PDZD8: variants seen among roughly 807,000 people sequenced by gnomAD.
The protein encoded by PDZD8 is PDZ domain containing 8.
In PDZD8, 14 loss-of-function variants were observed where a neutral mutation model predicts 85.8. The ratio of observed to expected loss-of-function variants is 0.16; its 90% CI spans 0.11 to 0.26. PDZD8 has a LOEUF of 0.26. PDZD8 is among the 10% of genes least tolerant of loss of function. The probability of loss-of-function intolerance (pLI) is 1.00; values close to 1 mark genes in which losing one functional copy is unlikely to be tolerated. For synonymous variants in PDZD8, 592 were observed against 568.6 expected (o/e 1.04, Z -0.59); for missense variants, 1,197 against 1,424.3 (o/e 0.84, Z 2.57).
intron 1 of PDZD8, among the ~76,000 whole-genome samples, chr10:117,354,359 A>T (rs1161619356): frequency 6.6e-6 from 1 of 152,220 alleles, no homozygotes; most frequent in Non-Finnish European, 1.5e-5. Flanking sequence ...GCTTGTTATA[A>T]GCACACAAAT....
rs553887678 is a variant in PDZD8 at position 117,336,385 on chromosome 10, C to A, written c.995+4595G>T. On this transcript the variant is annotated intron_variant, in intron 2 of 4. Coordinates refer to ENST00000334464, the MANE Select transcript of PDZD8 (RefSeq NM_173791.5). ...ATACATGAATATATTTCCTAAGTGT[C>A]CTCTGAAGAGGTCTATGAATATATG... is the stretch of plus-strand genomic sequence containing the variant. Among the ~76,000 whole-genome samples the A allele has an allele frequency of 2.3e-3, 345 of 152,204 alleles. 1 individual carries two copies. The highest frequency in any genetic ancestry group is 4.4e-3 in the Non-Finnish European group (299 of 68,004).
intron 2 of PDZD8, among the ~76,000 whole-genome samples, chr10:117,337,147 C>T (rs1844529826): frequency 1.3e-5 from 2 of 151,684 alleles, no homozygotes; most frequent in South Asian, 4.2e-4. Context: ...GTCTTAGCTG[C>T]CAGAAAATTG....
intron 3 of PDZD8, among the ~76,000 whole-genome samples, chr10:117,298,792 T>C (rs1028655120): frequency 6.6e-6 from 1 of 152,190 alleles, no homozygotes; most frequent in Admixed American, 6.6e-5. Flanking sequence ...GACTACATAT[T>C]GTTTACTGCA....
chr10:117,359,241 C>G (rs2133876062), intron 1 of PDZD8, among the ~76,000 whole-genome samples: 1 of 151,686 alleles, frequency 6.6e-6, no homozygotes, highest in Admixed American at 6.6e-5. Context: ...ATGGCAAAAC[C>G]CCATCTCTAC....
At chr10:117,308,011 A>G (rs1257718858) in intron 3 of PDZD8, among the ~76,000 whole-genome samples, 1 of 152,116 alleles carries the variant, frequency 6.6e-6, no homozygotes, top group East Asian at 1.9e-4. Flanking sequence ...TACTTCCTAA[A>G]TGCTTTAAAA....
intron 3 of PDZD8, among the ~76,000 whole-genome samples, chr10:117,313,125 G>A (rs938842419): frequency 6.6e-6 from 1 of 152,110 alleles, no homozygotes; most frequent in African/African-American, 2.4e-5. Context: ...TGAGCTGAGT[G>A]CCATGTGTAA....
intron 1 of PDZD8, among the ~76,000 whole-genome samples, chr10:117,346,788 A>G (rs971707151): frequency 1.3e-5 from 2 of 151,974 alleles, no homozygotes; most frequent in Admixed American, 1.3e-4. Context: ...AAAACCACGT[A>G]CAGGCATCAT....
chr10:117,348,791 G>A (rs1844750957), intron 1 of PDZD8, among the ~76,000 whole-genome samples: 2 of 152,064 alleles, frequency 1.3e-5, no homozygotes, highest in Admixed American at 1.3e-4. Flanking sequence ...TTTTTGAGGG[G>A]AGCACAATTC....
chr10:117,293,036 G>A (rs1218471133), intron 3 of PDZD8, among the ~76,000 whole-genome samples: 1 of 151,942 alleles, frequency 6.6e-6, no homozygotes, highest in Non-Finnish European at 1.5e-5. Context: ...ACATGATTCA[G>A]AAGTTTCAGA....
intron 1 of PDZD8, among the ~76,000 whole-genome samples, chr10:117,363,432 T>G (rs1007838202): frequency 6.6e-6 from 1 of 152,112 alleles, no homozygotes; most frequent in African/African-American, 2.4e-5. Context: ...AAATAGAAAT[T>G]GTATCTCCCC....
At chr10:117,327,369 A>G (rs1180514127) in intron 2 of PDZD8, among the ~76,000 whole-genome samples, 1 of 152,230 alleles carries the variant, frequency 6.6e-6, no homozygotes, top group Non-Finnish European at 1.5e-5. Flanking sequence ...AAAACAGACC[A>G]AATCAAAATA....
In PDZD8 at chr10:117,291,871, AG is replaced by A. The variant is rs1330288108; in HGVS notation, c.1099-1524del. Among the ~76,000 whole-genome samples the A allele has an allele frequency of 3.4e-5, 5 of 145,072 alleles. No homozygotes were observed. The East Asian group carries it at 1.0e-3, about 29-fold the overall frequency. On this transcript the variant is annotated intron_variant, in intron 3 of 4. Transcript: ENST00000334464. ...AACAACTGATTTAAAAAAAAAAAAC[AG>A]GCAGAGTGCTACATCCCAGCTGTTG...
rs964459410 is a variant in PDZD8, at chr10:117,282,647, ATT to A, written c.*619_*620del. 6.6e-6 allele frequency: 1 copy of A among 151,778 alleles called. No individual in the cohort carries two copies. The highest frequency in any genetic ancestry group is 1.5e-5 in the Non-Finnish European group (1 of 67,908). 9.4% of individuals were successfully genotyped at this position (151,778 alleles called of 1,614,324 possible). On this transcript the variant is annotated 3_prime_UTR_variant, in exon 5 of 5. Transcript: ENST00000334464. ...CGAAAGCAAGCAATATATGTAAAAA[ATT>A]TTTTTTTACTAAATCAGCATAACAG...
chr10:117,346,447 G>A (rs1688692604), intron 1 of PDZD8, among the ~76,000 whole-genome samples: 1 of 151,684 alleles, frequency 6.6e-6, no homozygotes, highest in South Asian at 2.1e-4. Flanking sequence ...GGCAAATGGG[G>A]GTCGGACATG....
In PDZD8 at chr10:117,282,010, T is replaced by C. The variant is rs1844582872; in HGVS notation, c.*1258A>G. The stretch of plus-strand genomic sequence containing the variant: ...TTGTTTTCCCTCAGTCAAATGTTAC[T>C]GGGACCCGTAAAATGGACCCAGTGT... On this transcript the variant is annotated 3_prime_UTR_variant, in exon 5 of 5. Transcript: ENST00000334464. 1 of 152,214 alleles carries C rather than the reference T, an allele frequency of 6.6e-6. No homozygotes were observed. The highest frequency in any genetic ancestry group is 1.5e-5 in the Non-Finnish European group (1 of 68,042). The allele number at this position is 152,214 out of a possible 1,614,324, so 9.4% of individuals were successfully genotyped here. A position where few individuals can be genotyped will look rare whatever the true frequency, so the allele number is the denominator to read the frequency against.
intron 3 of PDZD8, among the ~76,000 whole-genome samples, chr10:117,301,132 G>A (rs951830813): frequency 2.6e-5 from 4 of 152,050 alleles, no homozygotes; most frequent in South Asian, 2.1e-4. Context: ...GGGATTACAG[G>A]TGCGTGCCAC....
rs1262712363 is a variant in PDZD8 at position 117,374,555 on chromosome 10, C to T, written c.673G>A (p.Val225Met). 1.2e-6 allele frequency: 2 copies of T among 1,602,490 alleles called. No homozygotes were observed. The highest frequency in any genetic ancestry group is 1.7e-5 in the Admixed American group (1 of 57,602). ...AAGACCAAGCGCAGCCTTCCCACCACGCGGGACAGCTTGACAAACAAGTAG... is the reference window on the plus strand; with the variant it reads ...AAGACCAAGCGCAGCCTTCCCACCATGCGGGACAGCTTGACAAACAAGTAG... ...SAYLFVKLSRVVGRLRLVFTR... is the reference protein window; with the variant it reads ...SAYLFVKLSRMVGRLRLVFTR... The change falls in exon 1 of 5, where the codon GTG becomes ATG. Residue 225 changes from valine to methionine, a missense_variant. Around this residue, in one of 4 missense-constraint regions of PDZD8, gnomAD observed 344 missense variants for 453.6 expected, o/e 0.76. Coordinates refer to ENST00000334464, the MANE Select transcript of PDZD8 (RefSeq NM_173791.5). This position sits in a 1 kb window ranked among gnomAD's most constrained non-coding sequence, Gnocchi z 7.8.
chr10:117,305,939 T>G (rs1316246291), intron 3 of PDZD8, among the ~76,000 whole-genome samples: 8 of 152,166 alleles, frequency 5.3e-5, no homozygotes, highest in Admixed American at 3.9e-4. Context: ...TTAGCCCCTG[T>G]GAGTCTTAAC....
At chr10:117,361,671 AAATCTG>A (rs1845000822) in intron 1 of PDZD8, among the ~76,000 whole-genome samples, 1 of 152,116 alleles carries the variant, frequency 6.6e-6, no homozygotes, top group Non-Finnish European at 1.5e-5. Flanking sequence ...GGACAACAAA[AAATCTG>A]AATAAGACAA....
Sources: allele counts gnomAD v4.1 joint callset (sites outside exome capture counted in the v4.1 genomes callset), GRCh38; gene constraint gnomAD v4.1.1; regional missense constraint gnomAD v4.1.1; non-coding constraint Gnocchi (gnomAD v3.1); transcripts MANE v1.5; gene names NCBI Gene and HGNC (gene_info 2026-07-23, HGNC 2026-07-21).